RABGAP1L: variants seen among roughly 807,000 people sequenced by gnomAD.
RABGAP1L encodes RAB GTPase activating protein 1 like, also known as rab GTPase-activating protein 1-like.
RABGAP1L carries 63 observed loss-of-function variants against 137.7 expected under a neutral mutation model. The observed-to-expected ratio is 0.46, with a 90% confidence interval of 0.37 to 0.56. The LOEUF (loss-of-function observed/expected upper bound fraction) is 0.56. Ranked by LOEUF, RABGAP1L falls within the 20% of genes least tolerant of loss-of-function variation. RABGAP1L has a pLI of 0.00. For missense variants in RABGAP1L, 1,095 were observed against 1,244.0 expected, an observed-to-expected ratio of 0.88 and a Z score of 1.80; for synonymous variants, 431 against 433.7, an observed-to-expected ratio of 0.99 and a Z score of 0.08.
In RABGAP1L at chr1:174,833,410, A is replaced by G. The variant is rs7415347; in HGVS notation, c.2340+21450A>G. Among the ~76,000 whole-genome samples the G allele has an allele frequency of 8.8e-3, 609 of 69,444 alleles. 30 individuals carry two copies. The highest frequency in any genetic ancestry group is 0.033 in the Middle Eastern group (5 of 152). The allele number at this position is 69,444 out of a possible 152,430, so 45.6% of individuals were successfully genotyped here. A position where few individuals can be genotyped will look rare whatever the true frequency, so the allele number is the denominator to read the frequency against. Reference sequence around the variant, plus strand: ...TGTGTGTGTGTGTGTGTATGTGTGTATGTGTGTGTGTGTATATATATATGT... The same window carrying G: ...TGTGTGTGTGTGTGTGTATGTGTGTGTGTGTGTGTGTGTATATATATATGT... On this transcript the variant is annotated intron_variant, in intron 19 of 25. Transcript: ENST00000681986.
At chr1:174,640,137 A>C (rs1674410089) in intron 14 of RABGAP1L, among the ~76,000 whole-genome samples, 1 of 152,200 alleles carries the variant, frequency 6.6e-6, no homozygotes, top group African/African-American at 2.4e-5. Context: ...ATAATTTCAC[A>C]ACAGTCTTTG....
At chr1:174,645,634 G>A (rs1291750182) in intron 14 of RABGAP1L, among the ~76,000 whole-genome samples, 1 of 152,102 alleles carries the variant, frequency 6.6e-6, no homozygotes, top group Non-Finnish European at 1.5e-5. Context: ...GGGCATTTGG[G>A]TTGGTCCAAG....
intron 11 of RABGAP1L, among the ~76,000 whole-genome samples, chr1:174,341,021 T>C (rs1320818531): frequency 6.6e-6 from 1 of 152,130 alleles, no homozygotes; most frequent in East Asian, 1.9e-4. Context: ...ATCAGTGATG[T>C]TGATTTTTTT....
rs1305922314 is a variant in RABGAP1L, at chr1:174,991,482, C to G, written c.*1481C>G. The G allele has an allele frequency of 6.6e-6, 1 of 152,196 alleles. No homozygotes were observed. Among genetic ancestry groups the G allele is most frequent in the Non-Finnish European group, 1.5e-5 (1 of 68,008 alleles). 9.4% of individuals were successfully genotyped at this position (152,196 alleles called of 1,614,324 possible). A position where few individuals can be genotyped will look rare whatever the true frequency, so the allele number is the denominator to read the frequency against. ...AGAATCAAATAAGAGCCATCTACAT[C>G]CCAGGAGGATGCACCAAGTTGCTCA... is the stretch of plus-strand genomic sequence containing the variant. On this transcript the variant is annotated 3_prime_UTR_variant, in exon 26 of 26. Transcript: ENST00000681986.
chr1:174,833,945 C>G (rs1198591498), intron 19 of RABGAP1L, among the ~76,000 whole-genome samples: 1 of 152,092 alleles, frequency 6.6e-6, no homozygotes, highest in African/African-American at 2.4e-5. Context: ...CCAATAGGAG[C>G]TAACCAGCTA....
Position 174,856,446 on chromosome 1 carries a change from T to G in RABGAP1L, c.2340+44486T>G, listed in dbSNP as rs570228453. 1.4e-3 allele frequency among the ~76,000 whole-genome samples: 219 copies of G among 151,820 alleles called. 1 individual carries two copies. Among genetic ancestry groups the G allele is most frequent in the African/African-American group, 5.1e-3 (210 of 41,450 alleles). On this transcript the variant is annotated intron_variant, in intron 19 of 25. Transcript: ENST00000681986. ...AAAGAAAGTAAGACAACTTGTGCTCTTATTTTTAAAATATTATATACTTCT... is the reference window on the plus strand; with the variant it reads ...AAAGAAAGTAAGACAACTTGTGCTCGTATTTTTAAAATATTATATACTTCT...
At chr1:174,597,925 C>T (rs905774136) in intron 13 of RABGAP1L, among the ~76,000 whole-genome samples, 1 of 152,120 alleles carries the variant, frequency 6.6e-6, no homozygotes, top group Non-Finnish European at 1.5e-5. Context: ...CATTCAGCAG[C>T]ATAGTGTTTA....
intron 13 of RABGAP1L, among the ~76,000 whole-genome samples, chr1:174,566,116 C>CT (rs1055698859): frequency 2.0e-5 from 3 of 151,952 alleles, no homozygotes; most frequent in Non-Finnish European, 4.4e-5. Flanking sequence ...TTTATTGAGT[C>CT]TTTTTTCTGT....
chr1:174,922,296 G>C, intron 19 of RABGAP1L: 1 of 173,836 alleles, frequency 5.8e-6, no homozygotes, highest in Non-Finnish European at 1.3e-5. Flanking sequence ...CCTGACAGCT[G>C]TAGCCTCTAC....
intron 13 of RABGAP1L, among the ~76,000 whole-genome samples, chr1:174,564,556 T>C (rs979081262): frequency 5.9e-5 from 9 of 152,200 alleles, no homozygotes; most frequent in African/African-American, 2.2e-4. Context: ...AGGGTTAAAC[T>C]TGACTGTGTC....
chr1:174,793,032 T>G (rs1243301368), intron 18 of RABGAP1L, among the ~76,000 whole-genome samples: 5 of 151,942 alleles, frequency 3.3e-5, no homozygotes, highest in Non-Finnish European at 5.9e-5. Context: ...CTTGGGAGGC[T>G]GAGGCAGGAG....
chr1:174,325,153 TAC>T (rs1289834685), intron 11 of RABGAP1L, among the ~76,000 whole-genome samples: 1 of 152,220 alleles, frequency 6.6e-6, no homozygotes, highest in Non-Finnish European at 1.5e-5. Flanking sequence ...CACTTAACCA[TAC>T]AGTTTCCTGA....
intron 17 of RABGAP1L, among the ~76,000 whole-genome samples, chr1:174,735,899 A>G (rs1324908012): frequency 6.6e-6 from 1 of 152,182 alleles, no homozygotes; most frequent in African/African-American, 2.4e-5. Flanking sequence ...AGCTAAGCCC[A>G]TTCATGAGGG....
chr1:174,291,291 C>T (rs1205099716), intron 10 of RABGAP1L, among the ~76,000 whole-genome samples: 1 of 151,598 alleles, frequency 6.6e-6, no homozygotes, highest in Non-Finnish European at 1.5e-5. Context: ...ATTAAGCCAA[C>T]CTTGCATTCC....
chr1:174,293,460 C>T (rs1676816872), intron 10 of RABGAP1L, among the ~76,000 whole-genome samples: 1 of 152,148 alleles, frequency 6.6e-6, no homozygotes, highest in Non-Finnish European at 1.5e-5. Context: ...TTGGTATTTT[C>T]TTGTTACATG....
intron 19 of RABGAP1L, among the ~76,000 whole-genome samples, chr1:174,933,080 T>A (rs1362792749): frequency 6.6e-6 from 1 of 152,014 alleles, no homozygotes; most frequent in Non-Finnish European, 1.5e-5. Context: ...ACACACACAC[T>A]TACATACATA....
chr1:174,507,988 T>C (rs1661986775), intron 13 of RABGAP1L, among the ~76,000 whole-genome samples: 1 of 152,166 alleles, frequency 6.6e-6, no homozygotes, highest in South Asian at 2.1e-4. Context: ...GGATTTTCAC[T>C]ACTGAGTAGC....
At chr1:174,457,255 T>A (rs1239524816) in intron 13 of RABGAP1L, among the ~76,000 whole-genome samples, 2 of 152,172 alleles carry the variant, frequency 1.3e-5, no homozygotes, top group African/African-American at 4.8e-5. Flanking sequence ...AAATGTTCAA[T>A]GTTCAGATTA....
chr1:174,300,648 T>G (rs948888558), intron 10 of RABGAP1L, among the ~76,000 whole-genome samples: 1 of 151,074 alleles, frequency 6.6e-6, no homozygotes, highest in Non-Finnish European at 1.5e-5. Context: ...CCTGGTGGCT[T>G]ATGCCTGTAT....
Sources: gnomAD v4.1 joint callset for allele counts (sites outside exome capture counted in the v4.1 genomes callset) on GRCh38, gnomAD v4.1.1 for gene constraint, MANE v1.5 for transcripts, NCBI Gene and HGNC (gene_info 2026-07-23, HGNC 2026-07-21) for gene names.